Variants in GAS2L1 observed in about 807,000 individuals in gnomAD.
GAS2L1 encodes the protein GAS2-like protein 1.
In GAS2L1, 26 loss-of-function variants were observed where a neutral mutation model predicts 44.0. That is an observed-to-expected ratio of 0.59 (90% CI 0.43 to 0.82). The LOEUF is 0.82. Among genes scored for constraint, GAS2L1 ranks in the 40% least tolerant of loss-of-function variants. GAS2L1 has a pLI of 0.00. For synonymous variants in GAS2L1, 426 were observed against 415.9 expected (o/e 1.02, Z -0.30); for missense variants, 1,006 against 983.0 (o/e 1.02, Z -0.31).
At chr22:29,311,083 C>T in intron 4 of GAS2L1, 85 bp downstream of exon 5, 4 of 1,306,038 alleles carry the variant, frequency 3.1e-6, no homozygotes, top group Non-Finnish European at 4.2e-6. Context: ...GCCTGTGCGC[C>T]AGAGTGACTC....
In GAS2L1 at chr22:29,311,433, C is replaced by A. The variant is rs763693659; in HGVS notation, c.1011-29C>A. ...GCATGCCAGTCCTTCCGTGGTACCC[C>A]ATCTGTCTCTATTGTCCCCCTGCCC... On this transcript the variant is annotated intron_variant, in intron 4 of 4. Transcript: ENST00000618518. 2.0e-5 allele frequency: 17 copies of A among 857,000 alleles called. No individual in the cohort carries two copies. The East Asian group carries it at 4.6e-4, about 23-fold the overall frequency. The allele number at this position is 857,000 out of a possible 1,614,324, so 53.1% of individuals were successfully genotyped here.
At chr22:29,312,617 C>G (rs2061423305) in exon 5 of GAS2L1, 1 of 631,622 alleles carries the variant, frequency 1.6e-6, no homozygotes, top group East Asian at 2.9e-5. Context: ...GACCAGACCC[C>G]TTGGGACCAC....
chr22:29,310,731 A>G lies in GAS2L1; in HGVS notation c.835A>G (p.Thr279Ala), dbSNP rs867472450. Residue 279 changes from threonine (T) to alanine (A), a missense_variant, in exon 3 of 5, where the codon ACT becomes GCT. Thr to Ala is a moderately conservative substitution (Grantham distance 58, BLOSUM62 0). Transcript: ENST00000618518. Reference sequence around the variant, plus strand: ...GCACGACCCGTGCCGCTGCTCCTCCACTGGTCAGTGCCAGGGTGGGGCTGG... The same window carrying G: ...GCACGACCCGTGCCGCTGCTCCTCCGCTGGTCAGTGCCAGGGTGGGGCTGG... 6.2e-7 allele frequency: 1 copy of G among 1,608,630 alleles called. No homozygotes were observed. The highest frequency in any genetic ancestry group is 8.5e-7 in the Non-Finnish European group (1 of 1,179,012).
At chr22:29,311,820 T>G (rs757425547) in exon 5 of GAS2L1, 1 of 1,589,908 alleles carries the variant, frequency 6.3e-7, no homozygotes, top group East Asian at 2.2e-5. Context: ...GCAGCACTCA[T>G]GGGTGCCAAG....
chr22:29,308,573 C>A, exon 1 of GAS2L1: 1 of 1,598,830 alleles, frequency 6.3e-7, no homozygotes, highest in Admixed American at 1.7e-5. Flanking sequence ...TGGCCCCACG[C>A]CTCGTGCAGT....
chr22:29,312,619 TG>T (rs767844277), exon 5 of GAS2L1: 3 of 602,190 alleles, frequency 5.0e-6, no homozygotes, highest in Non-Finnish European at 8.2e-6. Context: ...CCAGACCCCT[TG>T]GGACCACATG....
chr22:29,310,055 C>T (rs1264778401), intron 1 of GAS2L1, among the ~76,000 whole-genome samples: 2 of 151,940 alleles, frequency 1.3e-5, no homozygotes, highest in Non-Finnish European at 2.9e-5. Flanking sequence ...TGAGCCTGAC[C>T]AACATGGAGA....
Position 29,307,887 on chromosome 22 carries a change from A to G in GAS2L1, c.-219A>G, listed in dbSNP as rs117155033. The G allele has an allele frequency of 5.0e-3, 2,013 of 404,274 alleles. 5 individuals are homozygous for G. The highest frequency in any genetic ancestry group is 7.4e-3 in the Non-Finnish European group (1,703 of 229,968). The allele number at this position is 404,274 out of a possible 1,614,324, so 25.0% of individuals were successfully genotyped here. A position where few individuals can be genotyped will look rare whatever the true frequency, so the allele number is the denominator to read the frequency against. Reference sequence around the variant, plus strand: ...ACCCTAAATTTATAAAAATTATCCCATAGAGTCCTATGAGGCAGGGAATGT... The same window carrying G: ...ACCCTAAATTTATAAAAATTATCCCGTAGAGTCCTATGAGGCAGGGAATGT... On this transcript the variant is annotated 5_prime_UTR_variant, in exon 1 of 5. Coordinates refer to ENST00000618518, the Ensembl canonical transcript of GAS2L1.
chr22:29,312,498 T>C, exon 5 of GAS2L1: 1 of 1,506,020 alleles, frequency 6.6e-7, no homozygotes, highest in East Asian at 2.3e-5. Context: ...CTGGATGTGA[T>C]GGACCAGCTC....
At chr22:29,312,180 T>C (rs749241303) in exon 5 of GAS2L1, 1 of 1,613,056 alleles carries the variant, frequency 6.2e-7, no homozygotes, top group South Asian at 1.1e-5. Context: ...GGGTGGCAAA[T>C]GTGGCCAACC....
chr22:29,310,527 G>A, exon 2 of GAS2L1: 2 of 1,609,198 alleles, frequency 1.2e-6, no homozygotes, highest in Non-Finnish European at 1.7e-6. Context: ...GGGGACTCGA[G>A]CCTGCTCATC....
rs753741281 is a variant in GAS2L1 at position 29,308,782 on chromosome 22, C to T, written c.633+44C>T. ...GGTGCCAGGGACCCGACAGCACAGC[C>T]AGTGCCTGCAATCTGTCCCTGAACC... On this transcript the variant is annotated intron_variant, in intron 1 of 4. Coordinates refer to ENST00000618518, the Ensembl canonical transcript of GAS2L1. 4 of 1,430,396 alleles carry T rather than the reference C, an allele frequency of 2.8e-6. No individual in the cohort carries two copies. In the Admixed American group the frequency reaches 7.8e-5, roughly 28 times the overall value. 88.6% of individuals were successfully genotyped at this position (1,430,396 alleles called of 1,614,324 possible).
chr22:29,307,931 G>A (rs1406108074), exon 1 of GAS2L1: 1 of 469,758 alleles, frequency 2.1e-6, no homozygotes, highest in Non-Finnish European at 3.7e-6. Flanking sequence ...CCATTTCGCA[G>A]ATGAGGAAAC....
exon 1 of GAS2L1, chr22:29,307,477 G>A (rs1449696097): frequency 6.6e-6 from 1 of 152,338 alleles, no homozygotes; most frequent in Non-Finnish European, 1.5e-5. Context: ...CGACCTTCAC[G>A]AGCTCGACCC....
Position 29,311,018 on chromosome 22 carries a change from GGAGT to G in GAS2L1, c.1010+24_1010+27del, listed in dbSNP as rs758047109. The G allele has an allele frequency of 1.5e-4, 233 of 1,603,700 alleles. No individual in the cohort carries two copies. Among genetic ancestry groups the G allele is most frequent in the Non-Finnish European group, 1.9e-4 (222 of 1,175,498 alleles). ...ACCCAGGTGAGATGCAGGAGGACGA[GGAGT>G]GAGGGGTCCAGAGGGTGGGGGGGCG... is the stretch of plus-strand genomic sequence containing the variant. On this transcript the variant is annotated intron_variant, in intron 4 of 4. Transcript: ENST00000618518.
chr22:29,307,101 C>CCGGCT (rs1437374678), exon 1 of GAS2L1: 3 of 151,918 alleles, frequency 2.0e-5, no homozygotes, highest in African/African-American at 7.2e-5. Flanking sequence ...GCGGCCCGGC[C>CCGGCT]CGGCTCCGGC....
At chr22:29,311,537 C>T (rs2061406048) in exon 5 of GAS2L1, 4 of 1,542,666 alleles carry the variant, frequency 2.6e-6, no homozygotes, top group Non-Finnish European at 2.6e-6. Flanking sequence ...CCTCCTCCGC[C>T]CAGAGCGGCC....
At chr22:29,308,526 C>A (rs1156279048) in exon 1 of GAS2L1, 1 of 1,606,882 alleles carries the variant, frequency 6.2e-7, no homozygotes, top group Non-Finnish European at 8.5e-7. Flanking sequence ...GCTGTGCCTG[C>A]TGGAGGTGGC....
In GAS2L1 at chr22:29,308,757, GGT is replaced by G; in HGVS notation, c.633+21_633+22del. ...CGAGCTGGTGAGTCCCCCAGCACCAGGTGCCAGGGACCCGACAGCACAGCCAG... is the reference window on the plus strand; with the variant it reads ...CGAGCTGGTGAGTCCCCCAGCACCAGGCCAGGGACCCGACAGCACAGCCAG... On this transcript the variant is annotated intron_variant, in intron 1 of 4. Coordinates refer to ENST00000618518, the Ensembl canonical transcript of GAS2L1. The G allele has an allele frequency of 6.8e-7, 1 of 1,478,136 alleles. No homozygotes were observed. The allele number at this position is 1,478,136 out of a possible 1,614,324, so 91.6% of individuals were successfully genotyped here.
Sources: gnomAD v4.1 joint callset for allele counts (sites outside exome capture counted in the v4.1 genomes callset) on GRCh38, gnomAD v4.1.1 for gene constraint, MANE v1.5 for transcripts, NCBI Gene and HGNC (gene_info 2026-07-23, HGNC 2026-07-21) for gene names.